The following PDE4D variants were observed in gnomAD, a reference collection of about 807,000 sequenced individuals.
PDE4D encodes phosphodiesterase 4D, also known as 3',5'-cyclic-AMP phosphodiesterase 4D.
In PDE4D, 24 loss-of-function variants were observed where a neutral mutation model predicts 87.4. The observed-to-expected ratio is 0.27, with a 90% CI of 0.20 to 0.39. PDE4D has a LOEUF of 0.39. Ranked by LOEUF, PDE4D falls within the 10% of genes least tolerant of loss-of-function variation. PDE4D has a pLI of 1.00. For synonymous variants in PDE4D, 384 were observed against 383.2 expected (o/e 1.00, Z -0.02); for missense variants, 714 against 1,041.0 (o/e 0.69, Z 4.32).
intron 1 of PDE4D, among the ~76,000 whole-genome samples, chr5:59,839,786 G>C (rs1742696642): frequency 6.6e-6 from 1 of 151,992 alleles, no homozygotes; most frequent in Non-Finnish European, 1.5e-5. Context: ...GGAACTGTGG[G>C]GATAGCATGG....
chr5:59,085,258 G>T (rs908848924), intron 5 of PDE4D, among the ~76,000 whole-genome samples: 3 of 152,032 alleles, frequency 2.0e-5, no homozygotes, highest in Non-Finnish European at 2.9e-5. Flanking sequence ...GGTAAGAAAA[G>T]TGTTCATGAT....
chr5:60,359,317 A>G (rs1759869720), intron 1 of PDE4D, among the ~76,000 whole-genome samples: 1 of 152,210 alleles, frequency 6.6e-6, no homozygotes, highest in Non-Finnish European at 1.5e-5. Context: ...CTGAGGTGGG[A>G]GGATCACTTG....
chr5:59,961,499 C>T (rs539101292), intron 3 of PDE4D, among the ~76,000 whole-genome samples: 3 of 152,134 alleles, frequency 2.0e-5, no homozygotes, highest in African/African-American at 7.2e-5. Flanking sequence ...GCAGAATTCT[C>T]TCTGCAACTC....
intron 5 of PDE4D, among the ~76,000 whole-genome samples, chr5:59,071,472 C>T (rs1011262000): frequency 6.7e-6 from 1 of 150,156 alleles, no homozygotes; most frequent in Non-Finnish European, 1.5e-5. Context: ...ACCTTTCAAC[C>T]CTTCTATTGA....
chr5:59,249,366 T>C (rs1581600525), intron 1 of PDE4D, among the ~76,000 whole-genome samples: 1 of 151,998 alleles, frequency 6.6e-6, no homozygotes, highest in African/African-American at 2.4e-5. Flanking sequence ...TGGCTTGGAG[T>C]GTAACCTGGT....
rs150753054 is a variant in PDE4D, at chr5:60,049,363, G to A, written c.43-60646C>T. Among the ~76,000 whole-genome samples, 1,112 of 152,290 alleles carry A rather than the reference G, an allele frequency of 7.3e-3. 25 individuals carry two copies. The highest frequency in any genetic ancestry group is 0.045 in the East Asian group (234 of 5,180). On this transcript the variant is annotated intron_variant, in intron 2 of 16. Coordinates refer to the PDE4D transcript ENST00000502484. ...GATTGTCTGAAGCCTTCTTCTCTCA[G>A]CTCATCAAAGTCATTCTCCATCCAG...
chr5:59,137,659 T>TG (rs1175236266), intron 5 of PDE4D, among the ~76,000 whole-genome samples: 1 of 152,002 alleles, frequency 6.6e-6, no homozygotes, highest in Non-Finnish European at 1.5e-5. Context: ...CCCTAGTAGC[T>TG]GGGACTACAG....
At chr5:60,150,331 T>C (rs996798487) in intron 2 of PDE4D, among the ~76,000 whole-genome samples, 1 of 151,984 alleles carries the variant, frequency 6.6e-6, no homozygotes, top group African/African-American at 2.4e-5. Flanking sequence ...AGTTACCCCA[T>C]ACAAAATGGC....
At chr5:60,303,816 A>C (rs1254500378) in intron 1 of PDE4D, among the ~76,000 whole-genome samples, 1 of 152,128 alleles carries the variant, frequency 6.6e-6, no homozygotes, top group East Asian at 1.9e-4. Flanking sequence ...GGTCTGCTTG[A>C]TCCAGAGCTG....
chr5:60,372,549 A>C (rs956970826), intron 1 of PDE4D: 1 of 152,238 alleles, frequency 6.6e-6, no homozygotes, highest in Non-Finnish European at 1.5e-5. Context: ...ACTTGCACCA[A>C]GACAGACAAG....
At chr5:59,185,331 G>C (rs1742656930) in intron 3 of PDE4D, 69 bp from the exon 4 acceptor site, 1 of 1,168,474 alleles carries the variant, frequency 8.6e-7, no homozygotes, top group Non-Finnish European at 1.2e-6. Flanking sequence ...AAAATGGTTT[G>C]TTAAGAGAAA....
chr5:59,970,243 C>T (rs1033502513), intron 3 of PDE4D, among the ~76,000 whole-genome samples: 4 of 152,116 alleles, frequency 2.6e-5, no homozygotes, highest in African/African-American at 9.7e-5. Context: ...AGACCTAAAA[C>T]CATAAAAACC....
chr5:59,731,496 G>T (rs1401353636), intron 1 of PDE4D, among the ~76,000 whole-genome samples: 1 of 152,038 alleles, frequency 6.6e-6, no homozygotes, highest in Non-Finnish European at 1.5e-5. Flanking sequence ...TTTTCCACAA[G>T]ACCAACAAAC....
In PDE4D at chr5:59,109,880, G is replaced by A. The variant is rs145605143; in HGVS notation, c.808+70715C>T. Among the ~76,000 whole-genome samples, 145 of 152,282 alleles carry A rather than the reference G, an allele frequency of 9.5e-4. 2 individuals are homozygous for A. In the East Asian group the frequency reaches 0.024, roughly 26 times the overall value. The stretch of plus-strand genomic sequence containing the variant: ...GTGTTAACATATTTGGAAAAAGAAA[G>A]TTCCCATTAGAATGAGGGTGGTTGG... On this transcript the variant is annotated intron_variant, in intron 5 of 14. Transcript: ENST00000340635.
intron 1 of PDE4D, among the ~76,000 whole-genome samples, chr5:60,408,613 C>G (rs1022295247): frequency 2.9e-4 from 44 of 152,254 alleles, no homozygotes; most frequent in Admixed American, 6.5e-4. Context: ...ACCCACTCCC[C>G]ACTCCCTCCA....
At chr5:60,008,947 G>A (rs975138512) in intron 2 of PDE4D, among the ~76,000 whole-genome samples, 1 of 151,940 alleles carries the variant, frequency 6.6e-6, no homozygotes, top group Admixed American at 6.6e-5. Context: ...AGTGGTTCCT[G>A]CCATTTTTAT....
intron 2 of PDE4D, among the ~76,000 whole-genome samples, chr5:60,144,906 T>C (rs1359676864): frequency 1.3e-5 from 2 of 152,192 alleles, no homozygotes; most frequent in Non-Finnish European, 2.9e-5. Context: ...AAATAATTCA[T>C]GAACAACTGG....
chr5:59,432,155 T>A (rs2153632217), intron 1 of PDE4D, among the ~76,000 whole-genome samples: 1 of 152,218 alleles, frequency 6.6e-6, no homozygotes, highest in East Asian at 1.9e-4. Context: ...AGCAAACTTT[T>A]TATTTATACA....
At chr5:59,588,506 T>C (rs1392861154) in intron 1 of PDE4D, among the ~76,000 whole-genome samples, 1 of 152,226 alleles carries the variant, frequency 6.6e-6, no homozygotes, top group Non-Finnish European at 1.5e-5. Context: ...CAACATTTAA[T>C]ATAACATGCT....
Sources: allele counts gnomAD v4.1 joint callset (sites outside exome capture counted in the v4.1 genomes callset), GRCh38; gene constraint gnomAD v4.1.1; transcripts MANE v1.5; gene names NCBI Gene and HGNC (gene_info 2026-07-23, HGNC 2026-07-21).